Variants in ZBTB7C observed in about 807,000 individuals in gnomAD.
ZBTB7C encodes the protein zinc finger and BTB domain containing 7C.
In ZBTB7C, 8 loss-of-function variants were observed where a neutral mutation model predicts 25.7. The ratio of observed to expected loss-of-function variants is 0.31; its 90% CI spans 0.18 to 0.56. The LOEUF is 0.56. Among genes scored for constraint, ZBTB7C ranks in the 20% least tolerant of loss-of-function variants. The pLI, the probability that ZBTB7C is intolerant of heterozygous loss-of-function variation, is 0.91. For synonymous variants in ZBTB7C, 394 were observed against 369.0 expected, an observed-to-expected ratio of 1.07 and a Z score of -0.78; for missense variants, 824 against 855.2, an observed-to-expected ratio of 0.96 and a Z score of 0.46.
At chr18:48,142,346 G>C (rs1374753729) in intron 3 of ZBTB7C, among the ~76,000 whole-genome samples, 1 of 152,350 alleles carries the variant, frequency 6.6e-6, no homozygotes, top group African/African-American at 2.4e-5. Flanking sequence ...GGAGCACTGG[G>C]AGACCAGCCG....
chr18:48,093,894 A>C (rs2038517883), intron 3 of ZBTB7C, among the ~76,000 whole-genome samples: 1 of 140,906 alleles, frequency 7.1e-6, no homozygotes, highest in Non-Finnish European at 1.6e-5. Flanking sequence ...TCTCTACTAA[A>C]AAAATACAAA....
intron 3 of ZBTB7C, among the ~76,000 whole-genome samples, chr18:48,156,518 C>T (rs1237179421): frequency 1.3e-5 from 2 of 152,180 alleles, no homozygotes; most frequent in Non-Finnish European, 2.9e-5. Context: ...CAAAACTGAT[C>T]ATTTCATTTT....
In ZBTB7C at chr18:48,282,267, C is replaced by T. The variant is rs1307272728; in HGVS notation, c.-79+55907G>A. ...ATAGGTGGGAATTGAACAATGAGAA[C>T]ACATGGACACAGGAAGGGGAACATC... On this transcript the variant is annotated intron_variant, in intron 2 of 4. Coordinates refer to ENST00000590800, the MANE Select transcript of ZBTB7C (RefSeq NM_001318841.2). Among the ~76,000 whole-genome samples the T allele has an allele frequency of 6.6e-4, 86 of 130,994 alleles. No homozygotes were observed. The Middle Eastern group carries it at 0.018, about 27-fold the overall frequency. 85.9% of individuals were successfully genotyped at this position (130,994 alleles called of 152,430 possible). A position where few individuals can be genotyped will look rare whatever the true frequency, so the allele number is the denominator to read the frequency against.
intron 2 of ZBTB7C, among the ~76,000 whole-genome samples, chr18:48,213,788 G>C (rs114909014): frequency 0.013 from 1,969 of 152,328 alleles, 19 homozygotes; most frequent in Middle Eastern, 0.065. Flanking sequence ...GCAGGGATGG[G>C]AATGGGCACT....
intron 1 of ZBTB7C, among the ~76,000 whole-genome samples, chr18:48,395,150 G>A (rs2145280998): frequency 6.6e-6 from 1 of 152,082 alleles, no homozygotes; most frequent in East Asian, 1.9e-4. Context: ...TCCTGCTCAT[G>A]GTCATTATAA....
At chr18:48,403,905 T>C (rs2048218439) in intron 1 of ZBTB7C, among the ~76,000 whole-genome samples, 1 of 151,908 alleles carries the variant, frequency 6.6e-6, no homozygotes, top group African/African-American at 2.4e-5. Flanking sequence ...TGTTAAATTA[T>C]ACGGGAAGCA....
At chr18:48,352,095 C>T (rs1406853414) in intron 1 of ZBTB7C, among the ~76,000 whole-genome samples, 3 of 152,212 alleles carry the variant, frequency 2.0e-5, no homozygotes, top group African/African-American at 7.2e-5. Context: ...TCGCAGGTGC[C>T]TTTACACAAC....
At chr18:48,318,050 C>T (rs9947719) in intron 2 of ZBTB7C, among the ~76,000 whole-genome samples, 1,661 of 151,592 alleles carry the variant, frequency 0.011, 28 homozygotes, top group African/African-American at 0.038. Context: ...GCCCTTCAGT[C>T]GCCACACATG....
chr18:48,309,399 AT>A (rs2045757599), intron 2 of ZBTB7C, among the ~76,000 whole-genome samples: 1 of 152,144 alleles, frequency 6.6e-6, no homozygotes, highest in South Asian at 2.1e-4. Flanking sequence ...GTCACTTATC[AT>A]TTTTCCTGCT....
intron 2 of ZBTB7C, among the ~76,000 whole-genome samples, chr18:48,270,852 C>T (rs1019566332): frequency 2.0e-5 from 3 of 150,380 alleles, no homozygotes; most frequent in African/African-American, 7.4e-5. Flanking sequence ...CTATAGAACA[C>T]AAATCTGTAG....
intron 3 of ZBTB7C, among the ~76,000 whole-genome samples, chr18:48,142,726 A>C (rs2144841449): frequency 6.6e-6 from 1 of 150,562 alleles, no homozygotes; most frequent in East Asian, 1.9e-4. Context: ...AATTTGGCCA[A>C]GGTGGGATAG....
At chr18:48,388,091 C>T (rs888161707) in intron 1 of ZBTB7C, among the ~76,000 whole-genome samples, 21 of 152,068 alleles carry the variant, frequency 1.4e-4, no homozygotes, top group African/African-American at 2.4e-4. Flanking sequence ...CCTCCCAAAG[C>T]GCTGGGATTA....
intron 3 of ZBTB7C, among the ~76,000 whole-genome samples, chr18:48,120,032 G>A (rs1475243892): frequency 6.6e-6 from 1 of 152,186 alleles, no homozygotes; most frequent in Non-Finnish European, 1.5e-5. Context: ...GATTCAGTCA[G>A]TCTAGGGTGG....
chr18:48,362,136 G>A (rs1424607720), intron 1 of ZBTB7C, among the ~76,000 whole-genome samples: 2 of 152,184 alleles, frequency 1.3e-5, no homozygotes, highest in Non-Finnish European at 2.9e-5. Context: ...CAGTCAACTG[G>A]AGGACAAGAC....
rs563779553 is a variant in ZBTB7C, at chr18:48,200,055, C to T, written c.-78-14060G>A. 8.8e-4 allele frequency among the ~76,000 whole-genome samples: 134 copies of T among 151,758 alleles called. 2 individuals are homozygous for T. The highest frequency in any genetic ancestry group is 2.3e-3 in the Admixed American group (35 of 15,216). On this transcript the variant is annotated intron_variant, in intron 2 of 4. Transcript: ENST00000590800. ...TTTGACTCTTGGGCCAGTCAGTTTA[C>T]TTGCAAAGGAACCCTTAGCCACCCT...
chr18:48,148,164 T>TC (rs1568256720), intron 3 of ZBTB7C: 1 of 150,828 alleles, frequency 6.6e-6, no homozygotes, highest in East Asian at 2.0e-4. Flanking sequence ...GGCTAATTTT[T>TC]TTTTTTTTTT....
intron 2 of ZBTB7C, among the ~76,000 whole-genome samples, chr18:48,236,832 C>A (rs1216482399): frequency 6.6e-6 from 1 of 152,142 alleles, no homozygotes; most frequent in Non-Finnish European, 1.5e-5. Flanking sequence ...TCAGGGTCCA[C>A]ACAGAAAAAC....
rs757386700 is a variant in ZBTB7C at position 48,367,373 on chromosome 18, A to AT, written c.-303-28976_-303-28975insA. Among the ~76,000 whole-genome samples, 189 of 96,386 alleles carry AT rather than the reference A, an allele frequency of 2.0e-3. 1 individual carries two copies. Among genetic ancestry groups the AT allele is most frequent in the Non-Finnish European group, 2.6e-3 (130 of 50,048 alleles). 63.2% of individuals were successfully genotyped at this position (96,386 alleles called of 152,430 possible). On this transcript the variant is annotated intron_variant, in intron 1 of 4. Coordinates refer to ENST00000590800, the MANE Select transcript of ZBTB7C (RefSeq NM_001318841.2). ...ATATATATATATATATATATATATA[A>AT]AATACAAACAGAAGACTCTAAAAGG...
intron 2 of ZBTB7C, among the ~76,000 whole-genome samples, chr18:48,322,826 C>T (rs1048722833): frequency 1.3e-5 from 2 of 152,058 alleles, no homozygotes; most frequent in African/African-American, 2.4e-5. Context: ...GTGGATAAAG[C>T]AACTGTGGTA....
Sources: gnomAD v4.1 joint callset for allele counts (sites outside exome capture counted in the v4.1 genomes callset) on GRCh38, gnomAD v4.1.1 for gene constraint, MANE v1.5 for transcripts, NCBI Gene and HGNC (gene_info 2026-07-23, HGNC 2026-07-21) for gene names.